The following CDH12 variants were observed in gnomAD, a reference collection of about 807,000 sequenced individuals.
CDH12 encodes the protein cadherin 12.
A neutral mutation model predicts 74.1 loss-of-function variants in CDH12; 41 were observed. The observed-to-expected ratio is 0.55, with a 90% confidence interval of 0.43 to 0.72. The LOEUF (loss-of-function observed/expected upper bound fraction) is 0.72. Among genes scored for constraint, CDH12 ranks in the 30% least tolerant of loss-of-function variants. The probability of loss-of-function intolerance (pLI) is 0.00; values close to 1 mark genes in which losing one functional copy is unlikely to be tolerated. For synonymous variants in CDH12, 399 were observed against 355.0 expected (o/e 1.12, Z -1.39); for missense variants, 945 against 977.2 (o/e 0.97, Z 0.44).
At chr5:22,743,123 C>T (rs1425729524) in intron 1 of CDH12, among the ~76,000 whole-genome samples, 1 of 151,692 alleles carries the variant, frequency 6.6e-6, no homozygotes, top group African/African-American at 2.4e-5. Context: ...CTGAAACTTA[C>T]GTGAGTTCTC....
At chr5:22,067,278 A>G (rs1741629469) in intron 5 of CDH12, among the ~76,000 whole-genome samples, 1 of 152,292 alleles carries the variant, frequency 6.6e-6, no homozygotes, top group Middle Eastern at 3.4e-3. Context: ...ACAAAAATGT[A>G]TTGCCATCTA....
chr5:22,801,709 C>T (rs935780371), intron 1 of CDH12, among the ~76,000 whole-genome samples: 6 of 132,284 alleles, frequency 4.5e-5, no homozygotes, highest in African/African-American at 1.7e-4. Context: ...AGGGAGAACA[C>T]ATAAGATTTT....
At chr5:22,255,789 T>A (rs111247153) in intron 3 of CDH12, among the ~76,000 whole-genome samples, 12,244 of 151,820 alleles carry the variant, frequency 0.081, 568 homozygotes, top group South Asian at 0.16. Context: ...TTAAGTTTTT[T>A]AAAAAAATGA....
chr5:21,904,702 C>T (rs1002477584), intron 6 of CDH12, among the ~76,000 whole-genome samples: 3 of 152,050 alleles, frequency 2.0e-5, no homozygotes, highest in African/African-American at 7.2e-5. Context: ...ATTGCTTGAG[C>T]CCAAGAGTTC....
intron 3 of CDH12, among the ~76,000 whole-genome samples, chr5:22,368,466 A>ATTT (rs11445293): frequency 3.0e-5 from 4 of 135,310 alleles, no homozygotes; most frequent in Non-Finnish European, 4.7e-5. Context: ...AGTCTGGCTA[A>ATTT]TTTTTTTTTT....
chr5:22,689,903 T>C (rs116180593), intron 1 of CDH12, among the ~76,000 whole-genome samples: 7,188 of 152,032 alleles, frequency 0.047, 213 homozygotes, highest in Admixed American at 0.074. Flanking sequence ...ATTCTATAAT[T>C]TAGCTATAAA....
chr5:22,754,999 A>G (rs1285329289), intron 1 of CDH12, among the ~76,000 whole-genome samples: 4 of 152,144 alleles, frequency 2.6e-5, no homozygotes, highest in Non-Finnish European at 5.9e-5. Context: ...ATTTTTTTCT[A>G]TGTCACTTAC....
intron 4 of CDH12, among the ~76,000 whole-genome samples, chr5:22,090,263 C>A (rs1030370917): frequency 2.0e-5 from 3 of 151,070 alleles, no homozygotes; most frequent in African/African-American, 7.3e-5. Context: ...CAACTTTATG[C>A]CAACAAATTA....
At chr5:22,318,227 T>C (rs1256317034) in intron 3 of CDH12, among the ~76,000 whole-genome samples, 1 of 152,236 alleles carries the variant, frequency 6.6e-6, no homozygotes, top group Non-Finnish European at 1.5e-5. Context: ...TTCTTGTTAC[T>C]ATCTACAGCT....
intron 1 of CDH12, among the ~76,000 whole-genome samples, chr5:22,654,738 G>A (rs1182891843): frequency 1.2e-4 from 18 of 151,618 alleles, no homozygotes; most frequent in East Asian, 3.9e-4. Flanking sequence ...GGGTTCAAGC[G>A]GTTCTCTTGC....
intron 1 of CDH12, among the ~76,000 whole-genome samples, chr5:22,695,382 A>G (rs1432978479): frequency 6.6e-6 from 1 of 152,114 alleles, no homozygotes; most frequent in African/African-American, 2.4e-5. Flanking sequence ...GCTGGGTCAA[A>G]TGTTATTTCT....
At chr5:22,666,382 C>T (rs1363986036) in intron 1 of CDH12, among the ~76,000 whole-genome samples, 5 of 150,042 alleles carry the variant, frequency 3.3e-5, no homozygotes, top group Non-Finnish European at 7.4e-5. Flanking sequence ...CTCCGCCTCC[C>T]GGGTTCACGC....
At chr5:22,776,965 C>G (rs1747135365) in intron 1 of CDH12, among the ~76,000 whole-genome samples, 1 of 152,044 alleles carries the variant, frequency 6.6e-6, no homozygotes, top group Admixed American at 6.6e-5. Context: ...CATGTATACA[C>G]CAAGTAAAAA....
At chr5:22,687,583 T>C (rs934360042) in intron 1 of CDH12, among the ~76,000 whole-genome samples, 16 of 151,996 alleles carry the variant, frequency 1.1e-4, no homozygotes, top group African/African-American at 3.6e-4. Context: ...ACATATATAT[T>C]TTAAATTTTT....
At chr5:21,810,644 AAGTTAC>A (rs1246928753) in intron 9 of CDH12, among the ~76,000 whole-genome samples, 1 of 152,118 alleles carries the variant, frequency 6.6e-6, no homozygotes, top group Non-Finnish European at 1.5e-5. Context: ...ATTTAGGGCT[AAGTTAC>A]AGTTGATGAG....
intron 5 of CDH12, among the ~76,000 whole-genome samples, chr5:21,987,288 A>T (rs1332798626): frequency 6.6e-6 from 1 of 152,192 alleles, no homozygotes; most frequent in Non-Finnish European, 1.5e-5. Flanking sequence ...TAATACATGC[A>T]AAGTATACAT....
chr5:22,721,545 A>G (rs1580926161), intron 1 of CDH12, among the ~76,000 whole-genome samples: 1 of 152,130 alleles, frequency 6.6e-6, no homozygotes, highest in South Asian at 2.1e-4. Flanking sequence ...ACTTTGGACT[A>G]TGGACTTTCG....
At chr5:22,775,547 T>C (rs1006023600) in intron 1 of CDH12, among the ~76,000 whole-genome samples, 1 of 151,618 alleles carries the variant, frequency 6.6e-6, no homozygotes, top group African/African-American at 2.4e-5. Context: ...CTAAAACAAA[T>C]ATAATTGGGC....
At chr5:22,729,600 A>G (rs1744330961) in intron 1 of CDH12, among the ~76,000 whole-genome samples, 1 of 151,814 alleles carries the variant, frequency 6.6e-6, no homozygotes, top group African/African-American at 2.4e-5. Flanking sequence ...TGCATCTAGG[A>G]AGGATTTGTT....
Sources: gnomAD v4.1 joint callset for allele counts (sites outside exome capture counted in the v4.1 genomes callset) on GRCh38, gnomAD v4.1.1 for gene constraint, MANE v1.5 for transcripts, NCBI Gene and HGNC (gene_info 2026-07-23, HGNC 2026-07-21) for gene names.